The following NR5A2 variants were observed in gnomAD, a reference collection of about 807,000 sequenced individuals.
NR5A2 encodes the protein CYP7A promoter-binding factor.
NR5A2 carries 26 observed loss-of-function variants against 62.7 expected under a neutral mutation model. The ratio of observed to expected loss-of-function variants is 0.41; its 90% CI spans 0.30 to 0.58. The LOEUF (loss-of-function observed/expected upper bound fraction) is 0.58, where lower values mean the gene tolerates loss of function less well. Ranked by LOEUF, NR5A2 falls within the 20% of genes least tolerant of loss-of-function variation. The pLI is 0.22. For missense variants in NR5A2, 541 were observed against 669.1 expected (o/e 0.81, Z 2.11); for synonymous variants, 246 against 241.7 (o/e 1.02, Z -0.16).
chr1:200,127,871 C>T (rs1666798070), intron 7 of NR5A2, among the ~76,000 whole-genome samples: 1 of 145,914 alleles, frequency 6.9e-6, no homozygotes, highest in African/African-American at 2.5e-5. Context: ...CCCTTGTATA[C>T]CAAGGGAGGA....
intron 7 of NR5A2, among the ~76,000 whole-genome samples, chr1:200,142,968 G>T (rs551662910): frequency 6.6e-6 from 1 of 152,074 alleles, no homozygotes; most frequent in South Asian, 2.1e-4. Flanking sequence ...GGAGTGAGTT[G>T]ATGTTTTATT....
chr1:200,148,232 C>T, intron 7 of NR5A2: 1 of 229,400 alleles, frequency 4.4e-6, no homozygotes, highest in Non-Finnish European at 9.1e-6. Flanking sequence ...TCCACAGCGG[C>T]AGCATCCAAA....
At chr1:200,088,881 T>C (rs1289741729) in intron 5 of NR5A2, among the ~76,000 whole-genome samples, 2 of 152,194 alleles carry the variant, frequency 1.3e-5, no homozygotes, top group African/African-American at 4.8e-5. Flanking sequence ...TCATCCTCTC[T>C]CCCCATTTTA....
rs1661398377 is a variant in NR5A2 at position 200,027,737 on chromosome 1, A to G, written c.-111A>G. 2 of 591,152 alleles carry G rather than the reference A, an allele frequency of 3.4e-6. No individual in the cohort carries two copies. Among genetic ancestry groups the G allele is most frequent in the African/African-American group, 1.9e-5 (1 of 52,350 alleles). 36.6% of individuals were successfully genotyped at this position (591,152 alleles called of 1,614,324 possible). ...TTTTTCTTAACTTTCACTAAGGGTT[A>G]CTGTAGTCTGATGTGTCCTTCCCAA... is the stretch of plus-strand genomic sequence containing the variant. On this transcript the variant is annotated 5_prime_UTR_variant, in exon 1 of 8. Transcript: ENST00000367362.
chr1:200,098,322 T>C (rs1665197764), intron 5 of NR5A2, among the ~76,000 whole-genome samples: 1 of 152,202 alleles, frequency 6.6e-6, no homozygotes, highest in East Asian at 1.9e-4. Context: ...GGTTCTATCA[T>C]TTGGTATCTA....
chr1:200,038,271 A>G (rs188221538), intron 1 of NR5A2, among the ~76,000 whole-genome samples: 61 of 152,368 alleles, frequency 4.0e-4, no homozygotes, highest in African/African-American at 1.4e-3. Flanking sequence ...TGATCCTTGT[A>G]TTCCGTGTGG....
intron 5 of NR5A2, among the ~76,000 whole-genome samples, chr1:200,060,939 T>TAAAAAAA (rs60736317): frequency 5.7e-5 from 5 of 87,838 alleles, no homozygotes; most frequent in African/African-American, 8.4e-5. Flanking sequence ...CCATCTCTAC[T>TAAAAAAA]AAAAAAAAAA....
Position 200,134,604 on chromosome 1 carries a change from T to C in NR5A2, c.1378+13649T>C, listed in dbSNP as rs72644154. On this transcript the variant is annotated intron_variant, in intron 7 of 7. Coordinates refer to ENST00000367362, the MANE Select transcript of NR5A2 (RefSeq NM_205860.3). Reference sequence around the variant, plus strand: ...TCACCTATCAGTGCACTTCTCAGAATGTATCCTTGTCATTAAGCAACACAT... The same window carrying C: ...TCACCTATCAGTGCACTTCTCAGAACGTATCCTTGTCATTAAGCAACACAT... 0.02 allele frequency among the ~76,000 whole-genome samples: 3,116 copies of C among 152,272 alleles called. 214 individuals are homozygous for C. In the East Asian group the frequency reaches 0.25, roughly 12 times the overall value.
At position 200,052,929 on chromosome 1, in the gene NR5A2, C is replaced by T. The variant is rs191074015; in HGVS notation, c.1110+4111C>T. ...TTCTGGGATTATAGGCATGAGCCACCGCACCCGGCCTACCTCTTGCTCACT... is the reference window on the plus strand; with the variant it reads ...TTCTGGGATTATAGGCATGAGCCACTGCACCCGGCCTACCTCTTGCTCACT... On this transcript the variant is annotated intron_variant, in intron 5 of 7. Coordinates refer to ENST00000367362, the MANE Select transcript of NR5A2 (RefSeq NM_205860.3). Among the ~76,000 whole-genome samples the T allele has an allele frequency of 5.0e-3, 762 of 152,262 alleles. 1 individual carries two copies. The highest frequency in any genetic ancestry group is 8.0e-3 in the Non-Finnish European group (546 of 68,030).
At chr1:200,163,278 A>AAAAAAG (rs1280927144) in intron 7 of NR5A2, among the ~76,000 whole-genome samples, 12 of 151,094 alleles carry the variant, frequency 7.9e-5, no homozygotes, top group African/African-American at 2.9e-4. Context: ...AAAAAAAAAA[A>AAAAAAG]AAGAAGAAGA....
At chr1:200,157,138 TGTCCTACCTTGTGGTAA>T (rs1179388602) in intron 7 of NR5A2, among the ~76,000 whole-genome samples, 3 of 152,252 alleles carry the variant, frequency 2.0e-5, no homozygotes, top group Non-Finnish European at 4.4e-5. Flanking sequence ...AGCCAGGCAC[TGTCCTACCTTGTGGTAA>T]TTCCTATTAA....
rs2816912 is a variant in NR5A2 at position 200,174,961 on chromosome 1, T to G, written c.*751T>G. 102,380 of 152,504 alleles carry G rather than the reference T, an allele frequency of 0.67. 34,735 individuals carry two copies. The highest frequency in any genetic ancestry group is 0.73 in the South Asian group (3,524 of 4,830). 9.4% of individuals were successfully genotyped at this position (152,504 alleles called of 1,614,324 possible). On this transcript the variant is annotated 3_prime_UTR_variant, in exon 8 of 8. Coordinates refer to ENST00000367362, the MANE Select transcript of NR5A2 (RefSeq NM_205860.3). ...AGTATCCCTCATCTTATGTAAGTGTTAATTAATATTAAGGGAAATGACTAC... is the reference window on the plus strand; with the variant it reads ...AGTATCCCTCATCTTATGTAAGTGTGAATTAATATTAAGGGAAATGACTAC...
At chr1:200,103,084 T>TTGTTGTG (rs1197061154) in intron 5 of NR5A2, among the ~76,000 whole-genome samples, 6 of 152,020 alleles carry the variant, frequency 3.9e-5, no homozygotes, top group Non-Finnish European at 8.8e-5. Context: ...CTTCATTGAG[T>TTGTTGTG]TGTTGTGAAG....
chr1:200,120,582 G>T (rs544505492), intron 6 of NR5A2, among the ~76,000 whole-genome samples: 1 of 152,176 alleles, frequency 6.6e-6, no homozygotes, highest in Non-Finnish European at 1.5e-5. Context: ...TTGTGGCCAG[G>T]CATGGTGGCT....
intron 5 of NR5A2, among the ~76,000 whole-genome samples, chr1:200,080,206 G>C (rs1664232393): frequency 6.6e-6 from 1 of 152,072 alleles, no homozygotes. Context: ...ATGTCTAATG[G>C]CTCAAATGTT....
intron 5 of NR5A2, among the ~76,000 whole-genome samples, chr1:200,100,286 C>G (rs1665304387): frequency 6.6e-6 from 1 of 151,872 alleles, no homozygotes; most frequent in Admixed American, 6.6e-5. Context: ...AAATATTTTC[C>G]TTCGTACTTC....
chr1:200,081,825 T>C (rs984470826), intron 5 of NR5A2, among the ~76,000 whole-genome samples: 1 of 151,938 alleles, frequency 6.6e-6, no homozygotes, highest in African/African-American at 2.4e-5. Flanking sequence ...TTTGTTATTC[T>C]ATACTGTTCA....
intron 7 of NR5A2, among the ~76,000 whole-genome samples, chr1:200,160,470 T>G (rs1653591847): frequency 6.6e-6 from 1 of 152,160 alleles, no homozygotes; most frequent in Non-Finnish European, 1.5e-5. Flanking sequence ...GCTGAGAAAG[T>G]GGAGCTGAAT....
intron 7 of NR5A2, among the ~76,000 whole-genome samples, chr1:200,154,516 C>T (rs991250684): frequency 6.6e-6 from 1 of 152,008 alleles, no homozygotes; most frequent in African/African-American, 2.4e-5. Flanking sequence ...TCTGGTGGCC[C>T]CACCACTGTC....
Sources: allele counts gnomAD v4.1 joint callset (sites outside exome capture counted in the v4.1 genomes callset), GRCh38; gene constraint gnomAD v4.1.1; transcripts MANE v1.5; gene names NCBI Gene and HGNC (gene_info 2026-07-23, HGNC 2026-07-21).